Variants in CAST observed in about 807,000 individuals in gnomAD.
CAST encodes calpastatin, also known as MIR583 host.
A neutral mutation model predicts 119.6 loss-of-function variants in CAST; 76 were observed. The ratio of observed to expected loss-of-function variants is 0.64; its 90% CI spans 0.53 to 0.77. The LOEUF is 0.77. Among genes scored for constraint, CAST ranks in the 30% least tolerant of loss-of-function variants. CAST has a pLI of 0.00. For synonymous variants in CAST, 319 were observed against 331.6 expected (o/e 0.96, Z 0.41); for missense variants, 953 against 946.5 (o/e 1.01, Z -0.09).
the CAST span, among the ~76,000 whole-genome samples, chr5:95,962,936 T>G: frequency 1.3e-5 from 2 of 152,120 alleles, no homozygotes; most frequent in Admixed American, 1.3e-4. Flanking sequence ...TGGCATACTT[T>G]CCATTCCATC....
chr5:96,512,482 T>G, the CAST span, among the ~76,000 whole-genome samples: 3 of 152,322 alleles, frequency 2.0e-5, no homozygotes, highest in South Asian at 4.1e-4. Context: ...TATAACCTCA[T>G]TAAGTTTTGT....
chr5:96,031,115 A>C, the CAST span, among the ~76,000 whole-genome samples: 1 of 151,174 alleles, frequency 6.6e-6, no homozygotes, highest in African/African-American at 2.4e-5. Context: ...TATTTGCCAT[A>C]TTTCCACTTT....
chr5:96,134,560 A>G, the CAST span, among the ~76,000 whole-genome samples: 47,582 of 152,056 alleles, frequency 0.31, 7,686 homozygotes, highest in Middle Eastern at 0.39. Context: ...GCATGAGTCA[A>G]TTTGTAGGAA....
chr5:96,112,053 G>A, the CAST span, among the ~76,000 whole-genome samples: 1 of 150,808 alleles, frequency 6.6e-6, no homozygotes, highest in South Asian at 2.1e-4. Context: ...TATATTATTA[G>A]TTTAATAAAA....
chr5:96,275,199 G>T, the CAST span, among the ~76,000 whole-genome samples: 3 of 152,162 alleles, frequency 2.0e-5, no homozygotes, highest in South Asian at 6.2e-4. Flanking sequence ...ACAGTAAGCC[G>T]TATTTGAACT....
At chr5:96,518,330 C>T in the CAST span, among the ~76,000 whole-genome samples, 1 of 152,132 alleles carries the variant, frequency 6.6e-6, no homozygotes, top group African/African-American at 2.4e-5. Flanking sequence ...AACACATTAG[C>T]TAGCCAAAAA....
chr5:96,361,965 C>T, the CAST span, among the ~76,000 whole-genome samples: 2 of 151,926 alleles, frequency 1.3e-5, no homozygotes. Flanking sequence ...GGTATATCTC[C>T]TAATGCTATC....
chr5:96,267,551 A>G, the CAST span, among the ~76,000 whole-genome samples: 1 of 152,202 alleles, frequency 6.6e-6, no homozygotes, highest in African/African-American at 2.4e-5. Context: ...AAAGTCTGCC[A>G]TCTAAGAGTA....
chr5:96,066,436 A>G, the CAST span, among the ~76,000 whole-genome samples: 14 of 142,106 alleles, frequency 9.9e-5, no homozygotes, highest in African/African-American at 2.9e-4. Flanking sequence ...CTTTCTGCCT[A>G]TTTCTTTCCA....
At chr5:96,745,116 G>A (rs1221219925) in intron 16 of CAST, among the ~76,000 whole-genome samples, 1 of 152,196 alleles carries the variant, frequency 6.6e-6, no homozygotes, top group East Asian at 1.9e-4. Flanking sequence ...CTTAATACAG[G>A]TGACCCTGGA....
chr5:96,711,100 G>T (rs1756047671), intron 3 of CAST, among the ~76,000 whole-genome samples: 1 of 152,098 alleles, frequency 6.6e-6, no homozygotes. Flanking sequence ...TTTTATACCT[G>T]TTCACAGGTT....
chr5:96,290,456 T>C, the CAST span, among the ~76,000 whole-genome samples: 1 of 140,812 alleles, frequency 7.1e-6, no homozygotes, highest in Admixed American at 7.7e-5. Flanking sequence ...TTATTTTCTA[T>C]TCAAAATTAA....
At chr5:96,676,695 T>G (rs891452655) in intron 2 of CAST, among the ~76,000 whole-genome samples, 3 of 151,804 alleles carry the variant, frequency 2.0e-5, no homozygotes, top group Non-Finnish European at 4.4e-5. Context: ...CCTGATTAAA[T>G]TAATAAAAGA....
chr5:96,674,784 T>C lies in CAST; in HGVS notation c.76-755T>C, dbSNP rs566121416. Among the ~76,000 whole-genome samples the C allele has an allele frequency of 9.8e-5, 15 of 152,318 alleles. No individual in the cohort carries two copies. In the South Asian group the frequency reaches 3.1e-3, roughly 32 times the overall value. ...CTACAGTTAACAGTAATGTATTATA[T>C]ACTTCAAAATAACTAGAAAACAGGA... On this transcript the variant is annotated intron_variant, in intron 1 of 31. Coordinates refer to ENST00000675179, the MANE Select transcript of CAST (RefSeq NM_001750.7).
chr5:96,118,718 C>G, the CAST span, among the ~76,000 whole-genome samples: 1 of 149,706 alleles, frequency 6.7e-6, no homozygotes, highest in Admixed American at 6.7e-5. Flanking sequence ...TCTAAAAGAA[C>G]TAGGAAGGTG....
chr5:96,679,333 G>A (rs1192615589), intron 2 of CAST: 1 of 152,154 alleles, frequency 6.6e-6, no homozygotes, highest in African/African-American at 2.4e-5. Flanking sequence ...AGGAATTACA[G>A]GACCAAAAGT....
At chr5:96,656,472 C>T (rs1449546869) in intron 1 of CAST, among the ~76,000 whole-genome samples, 1 of 152,214 alleles carries the variant, frequency 6.6e-6, no homozygotes, top group Admixed American at 6.5e-5. Flanking sequence ...CTCCTCCTAT[C>T]TCTGCTTCCC....
chr5:96,717,187 G>A (rs868073264), intron 3 of CAST, among the ~76,000 whole-genome samples: 33 of 152,234 alleles, frequency 2.2e-4, no homozygotes, highest in Non-Finnish European at 2.8e-4. Flanking sequence ...TAGCTTCATC[G>A]ATAAGACATA....
chr5:96,458,712 C>T, the CAST span, among the ~76,000 whole-genome samples: 1 of 152,072 alleles, frequency 6.6e-6, no homozygotes, highest in Non-Finnish European at 1.5e-5. Flanking sequence ...CCCTTTTAAT[C>T]TTTAAAGTCC....
Sources: allele counts gnomAD v4.1 joint callset (sites outside exome capture counted in the v4.1 genomes callset), GRCh38; gene constraint gnomAD v4.1.1; transcripts MANE v1.5; gene names NCBI Gene and HGNC (gene_info 2026-07-23, HGNC 2026-07-21).